ANKRD12: variants seen among roughly 807,000 people sequenced by gnomAD.
The protein encoded by ANKRD12 is ankyrin repeat domain-containing protein 12.
A neutral mutation model predicts 183.4 loss-of-function variants in ANKRD12; 85 were observed. The ratio of observed to expected loss-of-function variants is 0.46; its 90% CI spans 0.39 to 0.56. The LOEUF (loss-of-function observed/expected upper bound fraction) is 0.56, where lower values mean the gene tolerates loss of function less well. ANKRD12 is among the 20% of genes least tolerant of loss of function. ANKRD12 has a pLI of 0.00. For missense variants in ANKRD12, 2,405 were observed against 2,357.1 expected, an observed-to-expected ratio of 1.02 and a Z score of -0.42; for synonymous variants, 914 against 800.2, an observed-to-expected ratio of 1.14 and a Z score of -2.40.
At chr18:9,151,662 C>A (rs760240641) in intron 1 of ANKRD12, among the ~76,000 whole-genome samples, 1 of 152,158 alleles carries the variant, frequency 6.6e-6, no homozygotes, top group Non-Finnish European at 1.5e-5. Context: ...TGCTAGTTGT[C>A]TTTTTTTCTC....
chr18:9,218,880 T>G (rs1428072484), intron 7 of ANKRD12, among the ~76,000 whole-genome samples: 1 of 151,998 alleles, frequency 6.6e-6, no homozygotes, highest in African/African-American at 2.4e-5. Context: ...AGGCTGGTCT[T>G]GAACTCATGA....
intron 1 of ANKRD12, among the ~76,000 whole-genome samples, chr18:9,146,391 A>G (rs1323890124): frequency 6.6e-6 from 1 of 152,154 alleles, no homozygotes; most frequent in African/African-American, 2.4e-5. Context: ...TCCATCTACA[A>G]AAGAGTTTTG....
chr18:9,241,672 A>C lies in ANKRD12; in HGVS notation c.944-12539A>C, dbSNP rs1027150628. Among the ~76,000 whole-genome samples the C allele has an allele frequency of 3.9e-5, 6 of 152,264 alleles. No individual in the cohort carries two copies. In the East Asian group the frequency reaches 1.2e-3, roughly 29 times the overall value. On this transcript the variant is annotated intron_variant, in intron 8 of 12. Coordinates refer to ENST00000262126, the MANE Select transcript of ANKRD12 (RefSeq NM_015208.5). ...TAGGCAATGAGGTATTCTTTAATGA[A>C]CACTTCAAGTGTTTTGCATGCTTTA... is the stretch of plus-strand genomic sequence containing the variant.
At chr18:9,167,697 AATACCC>A (rs1302983171) in intron 1 of ANKRD12, among the ~76,000 whole-genome samples, 1 of 152,170 alleles carries the variant, frequency 6.6e-6, no homozygotes, top group Non-Finnish European at 1.5e-5. Context: ...TTCCTAATTG[AATACCC>A]TTTATTTCCT....
chr18:9,228,022 T>A (rs1003169758), intron 8 of ANKRD12, among the ~76,000 whole-genome samples: 1 of 152,178 alleles, frequency 6.6e-6, no homozygotes, highest in Non-Finnish European at 1.5e-5. Context: ...TTAAGTTTCT[T>A]AGCTTCCACA....
chr18:9,280,913 C>G, intron 12 of ANKRD12, 28 bp from the exon 13 acceptor site: 1 of 1,586,376 alleles, frequency 6.3e-7, no homozygotes, highest in Non-Finnish European at 8.5e-7. Flanking sequence ...ACAGAATAAT[C>G]AAGTAACTCT....
chr18:9,156,622 T>C (rs1023893148), intron 1 of ANKRD12, among the ~76,000 whole-genome samples: 25 of 152,324 alleles, frequency 1.6e-4, no homozygotes, highest in Admixed American at 9.2e-4. Context: ...AAAGGAAGGA[T>C]TTATCAAGAA....
At chr18:9,184,432 C>G (rs759826556) in intron 2 of ANKRD12, among the ~76,000 whole-genome samples, 1 of 151,934 alleles carries the variant, frequency 6.6e-6, no homozygotes, top group Non-Finnish European at 1.5e-5. Flanking sequence ...GCTCTCTTAC[C>G]CAGGCTGGAG....
intron 8 of ANKRD12, among the ~76,000 whole-genome samples, chr18:9,242,179 G>A (rs2037702289): frequency 1.3e-5 from 2 of 152,020 alleles, no homozygotes; most frequent in African/African-American, 4.8e-5. Flanking sequence ...ATCTTTCTTT[G>A]AAGTTCATAT....
intron 2 of ANKRD12, among the ~76,000 whole-genome samples, chr18:9,189,621 T>C (rs1218383867): frequency 6.6e-6 from 1 of 152,228 alleles, no homozygotes; most frequent in African/African-American, 2.4e-5. Flanking sequence ...AAGCCAGTGC[T>C]CTTTTTCCAT....
chr18:9,255,405 T>C lies in ANKRD12; in HGVS notation c.2138T>C (p.Met713Thr), dbSNP rs374786688. The C allele has an allele frequency of 8.8e-6, 14 of 1,587,258 alleles. No homozygotes were observed. Among genetic ancestry groups the C allele is most frequent in the African/African-American group, 1.4e-5 (1 of 72,966 alleles). Residue 713 changes from methionine (M) to threonine (T), a missense_variant, in exon 9 of 13, where the codon ATG (methionine) becomes ACG (threonine). Coordinates refer to ENST00000262126, the MANE Select transcript of ANKRD12 (RefSeq NM_015208.5). ...SDETEDLFLN[M>T]EHESLTLEKK... ...GAAACTGAAGATCTCTTTTTAAATA[T>C]GGAACATGAATCCTTAACATTAGAA... is the stretch of plus-strand genomic sequence containing the variant.
chr18:9,230,311 A>T, intron 8 of ANKRD12, among the ~76,000 whole-genome samples: 1 of 152,180 alleles, frequency 6.6e-6, no homozygotes, highest in African/African-American at 2.4e-5. Flanking sequence ...TATTTCTGTG[A>T]TATCAGTTGT....
intron 1 of ANKRD12, among the ~76,000 whole-genome samples, chr18:9,171,091 C>T (rs74543208): frequency 1.3e-5 from 2 of 152,116 alleles, no homozygotes; most frequent in Non-Finnish European, 2.9e-5. Flanking sequence ...AGTACCCGGC[C>T]GTGTGAGGTG....
chr18:9,155,181 A>G (rs896633607), intron 1 of ANKRD12, among the ~76,000 whole-genome samples: 2 of 152,246 alleles, frequency 1.3e-5, no homozygotes, highest in Non-Finnish European at 2.9e-5. Context: ...TAATGGGTAC[A>G]AAAAGTAGAA....
chr18:9,154,428 A>G (rs1421346069), intron 1 of ANKRD12, among the ~76,000 whole-genome samples: 2 of 152,076 alleles, frequency 1.3e-5, no homozygotes, highest in African/African-American at 4.8e-5. Flanking sequence ...TGAATGAATG[A>G]ATGATTACTC....
Position 9,282,751 on chromosome 18 carries a change from T to C in ANKRD12, c.*1625T>C, listed in dbSNP as rs934752423. 1 of 152,600 alleles carries C rather than the reference T, an allele frequency of 6.6e-6. No homozygotes were observed. The highest frequency in any genetic ancestry group is 2.4e-5 in the African/African-American group (1 of 41,450). The allele number at this position is 152,600 out of a possible 1,614,324, so 9.5% of individuals were successfully genotyped here. A position where few individuals can be genotyped will look rare whatever the true frequency, so the allele number is the denominator to read the frequency against. ...GGTAATTCCAGCTAATGGGAGAGAATGTAAATGTGCAAAGGTACATATTAA... is the reference window on the plus strand; with the variant it reads ...GGTAATTCCAGCTAATGGGAGAGAACGTAAATGTGCAAAGGTACATATTAA... On this transcript the variant is annotated 3_prime_UTR_variant, in exon 13 of 13. Coordinates refer to ENST00000262126, the MANE Select transcript of ANKRD12 (RefSeq NM_015208.5).
Position 9,208,681 on chromosome 18 carries a change from A to G in ANKRD12, c.329A>G (p.Lys110Arg), listed in dbSNP as rs778960357. Residue 110 changes from lysine to arginine, a missense_variant, in exon 5 of 13, where the codon AAG becomes AGG. Around this residue, in one of 7 missense-constraint regions of ANKRD12, gnomAD observed 145 missense variants for 145.6 expected, o/e 1.00. Coordinates refer to ENST00000262126, the MANE Select transcript of ANKRD12 (RefSeq NM_015208.5). Reference sequence around the variant, plus strand: ...GAGAAAGAAGGTCCAGAAAAGAAGAAGACAAAAAAGGAAGCTGGAAATAAG... The same window carrying G: ...GAGAAAGAAGGTCCAGAAAAGAAGAGGACAAAAAAGGAAGCTGGAAATAAG... Reference protein sequence around the residue: ...YSEKEGPEKKKTKKEAGNKKS... With the variant: ...YSEKEGPEKKRTKKEAGNKKS... 5 of 1,609,796 alleles carry G rather than the reference A, an allele frequency of 3.1e-6. No homozygotes were observed. Among genetic ancestry groups the G allele is most frequent in the Non-Finnish European group, 3.4e-6 (4 of 1,178,518 alleles).
chr18:9,215,454 T>C (rs1209675868), intron 6 of ANKRD12, among the ~76,000 whole-genome samples: 8 of 152,124 alleles, frequency 5.3e-5, no homozygotes, highest in Non-Finnish European at 8.8e-5. Flanking sequence ...AAGGAGGCTG[T>C]CTTTTAGTGT....
chr18:9,177,895 A>G (rs181910777), intron 1 of ANKRD12, among the ~76,000 whole-genome samples: 39 of 152,306 alleles, frequency 2.6e-4, no homozygotes, highest in African/African-American at 9.1e-4. Context: ...GCCATTCATT[A>G]TATGTTATTT....
Sources: gnomAD v4.1 joint callset for allele counts (sites outside exome capture counted in the v4.1 genomes callset) on GRCh38, gnomAD v4.1.1 for gene constraint, gnomAD v4.1.1 regional missense constraint, MANE v1.5 for transcripts, NCBI Gene and HGNC (gene_info 2026-07-23, HGNC 2026-07-21) for gene names.